PGBD5: variants seen among roughly 807,000 people sequenced by gnomAD.
PGBD5 encodes the protein piggyBac transposable element derived 5.
PGBD5 carries 14 observed loss-of-function variants against 47.9 expected under a neutral mutation model. The ratio of observed to expected loss-of-function variants is 0.29; its 90% CI spans 0.19 to 0.46. PGBD5 has a LOEUF of 0.46. Among genes scored for constraint, PGBD5 ranks in the 20% least tolerant of loss-of-function variants. PGBD5 has a pLI of 1.00. For synonymous variants in PGBD5, 316 were observed against 306.3 expected (o/e 1.03, Z -0.33); for missense variants, 635 against 716.0 (o/e 0.89, Z 1.29).
intron 3 of PGBD5, among the ~76,000 whole-genome samples, chr1:230,339,330 G>C (rs761064490): frequency 1.3e-5 from 2 of 152,202 alleles, no homozygotes; most frequent in African/African-American, 2.4e-5. Context: ...GTGTCAGTGA[G>C]GATGTAGGGA....
rs373341505 is a variant in PGBD5, at chr1:230,319,097, G to C, written c.*4328C>G. The C allele has an allele frequency of 1.3e-5, 2 of 152,228 alleles. No individual in the cohort carries two copies. Among genetic ancestry groups the C allele is most frequent in the South Asian group, 2.1e-4 (1 of 4,836 alleles). 9.4% of individuals were successfully genotyped at this position (152,228 alleles called of 1,614,324 possible). ...CTCGTGATGAATCAGGACAGCCAGT[G>C]CCCACAGCAGTTAGGACGCGGCCTC... On this transcript the variant is annotated 3_prime_UTR_variant, in exon 7 of 7. Transcript: ENST00000391860.
chr1:230,323,199 C>A lies in PGBD5; in HGVS notation c.*226G>T. On this transcript the variant is annotated 3_prime_UTR_variant, in exon 7 of 7. Transcript: ENST00000391860. The surrounding 1 kb of genome is among the most constrained non-coding windows in gnomAD (Gnocchi z 4.1). ...AACGTGGGTGTAAGTGCTCATCACA[C>A]CGGCGGCACTGTTTCTCGAGGGAGG... is the stretch of plus-strand genomic sequence containing the variant. 1 of 557,144 alleles carries A rather than the reference C, an allele frequency of 1.8e-6. No individual in the cohort carries two copies. The highest frequency in any genetic ancestry group is 2.3e-5 in the South Asian group (1 of 42,650). 34.5% of individuals were successfully genotyped at this position (557,144 alleles called of 1,614,324 possible). A position where few individuals can be genotyped will look rare whatever the true frequency, so the allele number is the denominator to read the frequency against.
chr1:230,388,914 C>G (rs1571853211), intron 1 of PGBD5, among the ~76,000 whole-genome samples: 1 of 152,298 alleles, frequency 6.6e-6, no homozygotes, highest in East Asian at 1.9e-4. Flanking sequence ...GCCTCCTGGG[C>G]TGGAGACAAG....
chr1:230,364,576 C>T (rs774548842), intron 1 of PGBD5, among the ~76,000 whole-genome samples: 9 of 152,250 alleles, frequency 5.9e-5, no homozygotes, highest in African/African-American at 7.2e-5. Flanking sequence ...TGTGTCTGTG[C>T]ACTTGGAAGG....
intron 5 of PGBD5, among the ~76,000 whole-genome samples, chr1:230,332,595 A>G (rs557897326): frequency 2.6e-4 from 39 of 152,066 alleles, no homozygotes; most frequent in Non-Finnish European, 5.3e-4. Context: ...CCACCTGCAA[A>G]CCCCGTCAGC....
At chr1:230,418,864 G>A (rs1246136599) in intron 1 of PGBD5, among the ~76,000 whole-genome samples, 1 of 152,222 alleles carries the variant, frequency 6.6e-6, no homozygotes, top group African/African-American at 2.4e-5. Context: ...GCACTGTGCT[G>A]TGCACGAATG....
intron 3 of PGBD5, among the ~76,000 whole-genome samples, chr1:230,345,101 T>A (rs961394111): frequency 6.6e-6 from 1 of 152,196 alleles, no homozygotes; most frequent in African/African-American, 2.4e-5. Flanking sequence ...ACTATACCAT[T>A]CAAAAAAATT....
At chr1:230,406,875 G>A (rs1458501622) in intron 1 of PGBD5, among the ~76,000 whole-genome samples, 3 of 152,152 alleles carry the variant, frequency 2.0e-5, no homozygotes, top group African/African-American at 7.2e-5. Flanking sequence ...CACTCTTGTT[G>A]CCCAGGCTGG....
At chr1:230,364,395 T>C (rs1413008287) in intron 1 of PGBD5, among the ~76,000 whole-genome samples, 3 of 152,248 alleles carry the variant, frequency 2.0e-5, no homozygotes, top group African/African-American at 4.8e-5. Context: ...TCCTAAATGG[T>C]ATCTTCCAAG....
At chr1:230,377,549 ACTGCAGCTCAGGTC>A (rs763137585) in intron 1 of PGBD5, 1 of 1,611,088 alleles carries the variant, frequency 6.2e-7, no homozygotes, top group East Asian at 2.2e-5. Flanking sequence ...ATGCTGAGCA[ACTGCAGCTCAGGTC>A]CTGCAGAGTC....
rs772878304 is a variant in PGBD5 at position 230,323,393 on chromosome 1, C to T, written c.*32G>A. On this transcript the variant is annotated 3_prime_UTR_variant, in exon 7 of 7. Transcript: ENST00000391860. The surrounding 1 kb of genome is among the most constrained non-coding windows in gnomAD (Gnocchi z 4.1). ...CGGCAGGCTCTCCTCCTCCTCTTGC[C>T]CCTCCCTTGACCGAGTCCTGCGCCC... is the stretch of plus-strand genomic sequence containing the variant. 6.3e-7 allele frequency: 1 copy of T among 1,596,440 alleles called. No individual in the cohort carries two copies. Among genetic ancestry groups the T allele is most frequent in the Non-Finnish European group, 8.5e-7 (1 of 1,171,422 alleles).
At chr1:230,330,055 CTTCCT>C (rs1332111594) in intron 5 of PGBD5, among the ~76,000 whole-genome samples, 1 of 152,048 alleles carries the variant, frequency 6.6e-6, no homozygotes, top group African/African-American at 2.4e-5. Flanking sequence ...AGGCAGAAAA[CTTCCT>C]TTCAAGTGAA....
chr1:230,326,653 C>T (rs1383439283), intron 5 of PGBD5, among the ~76,000 whole-genome samples: 1 of 152,054 alleles, frequency 6.6e-6, no homozygotes, highest in East Asian at 1.9e-4. Flanking sequence ...AACAGAGACT[C>T]ACCATGTTGC....
chr1:230,411,033 T>C (rs910500297), intron 1 of PGBD5, among the ~76,000 whole-genome samples: 1 of 151,826 alleles, frequency 6.6e-6, no homozygotes, highest in Non-Finnish European at 1.5e-5. Flanking sequence ...TCCCAGCACT[T>C]TGGGAGGCTG....
intron 5 of PGBD5, among the ~76,000 whole-genome samples, chr1:230,331,009 A>G (rs1162268891): frequency 1.3e-5 from 2 of 152,080 alleles, no homozygotes; most frequent in Non-Finnish European, 2.9e-5. Flanking sequence ...CCTGGAGAGG[A>G]TTTTGAACCT....
In PGBD5 at chr1:230,425,143, C is replaced by G. The variant is rs908760039; in HGVS notation, c.331+455G>C. On this transcript the variant is annotated intron_variant, in intron 1 of 6. Coordinates refer to ENST00000391860, the MANE Select transcript of PGBD5 (RefSeq NM_001258311.2). The surrounding 1 kb of genome is among the most constrained non-coding windows in gnomAD (Gnocchi z 4.7). ...CAACTCTCACTGGGCCAACTCCTAC[C>G]TGCCTCGCCCGCGTCACCTGCTGTA... Among the ~76,000 whole-genome samples, 3 of 152,162 alleles carry G rather than the reference C, an allele frequency of 2.0e-5. No individual in the cohort carries two copies. The highest frequency in any genetic ancestry group is 7.2e-5 in the African/African-American group (3 of 41,434).
chr1:230,360,766 G>T (rs1667729863), intron 1 of PGBD5, among the ~76,000 whole-genome samples: 1 of 152,134 alleles, frequency 6.6e-6, no homozygotes, highest in South Asian at 2.1e-4. Context: ...AGCAGCATGA[G>T]AACGGACTAA....
At chr1:230,339,171 G>A (rs1019509603) in intron 3 of PGBD5, among the ~76,000 whole-genome samples, 10 of 152,194 alleles carry the variant, frequency 6.6e-5, no homozygotes, top group Non-Finnish European at 1.5e-4. Context: ...GAGAAATGGA[G>A]TGCTTCCCCA....
chr1:230,396,946 A>C (rs1656998471), intron 1 of PGBD5, among the ~76,000 whole-genome samples: 1 of 152,148 alleles, frequency 6.6e-6, no homozygotes, highest in African/African-American at 2.4e-5. Context: ...CACTCCTGGA[A>C]ATGTCCCACA....
Sources: allele counts gnomAD v4.1 joint callset (sites outside exome capture counted in the v4.1 genomes callset), GRCh38; gene constraint gnomAD v4.1.1; non-coding constraint Gnocchi (gnomAD v3.1); transcripts MANE v1.5; gene names NCBI Gene and HGNC (gene_info 2026-07-23, HGNC 2026-07-21).